MVD: variants seen among roughly 807,000 people sequenced by gnomAD.
The protein encoded by MVD is mevalonate diphosphate decarboxylase, also known as diphosphomevalonate decarboxylase.
Under a neutral mutation model 42.4 loss-of-function variants are expected in MVD, and 52 were observed. The ratio of observed to expected loss-of-function variants is 1.23; its 90% CI spans 0.98 to 1.55. The LOEUF is 1.55. Among genes scored for constraint, MVD ranks in the 40% most tolerant of loss-of-function variants. The pLI, the probability that MVD is intolerant of heterozygous loss-of-function variation, is 0.00. For missense variants in MVD, 663 were observed against 572.1 expected, an observed-to-expected ratio of 1.16 and a Z score of -1.62; for synonymous variants, 287 against 243.2, an observed-to-expected ratio of 1.18 and a Z score of -1.68.
intron 8 of MVD, 25 bp downstream of exon 8, chr16:88,654,667 G>A (rs1345439199): frequency 3.2e-6 from 5 of 1,580,220 alleles, no homozygotes; most frequent in Middle Eastern, 1.7e-4. Context: ...TCCCAAAAAG[G>A]AGGAGGGGCG....
chr16:88,654,873 G>C, intron 7 of MVD, 66 bp from the exon 8 acceptor site: 1 of 1,450,050 alleles, frequency 6.9e-7, no homozygotes, highest in South Asian at 1.4e-5. Context: ...CCAACCCTCT[G>C]GTCTGCCAGG....
rs138188988 is a variant in MVD at position 88,657,570 on chromosome 16, G to A, written c.269C>T (p.Ala90Val). Residue 90 changes from alanine (A) to valine (V), a missense_variant, in exon 4 of 10, where the codon GCC (alanine) becomes GTC (valine). By Grantham distance (64) the Ala-to-Val change is moderately conservative. Transcript: ENST00000301012. ...QACLREIRCL[A>V]RKRRNSRDGD... ...ATCCCGTGAGTTCCTCCGCTTCCGG[G>A]CCAGGCAGCGGACTGCAGAGACAAT... The A allele has an allele frequency of 1.6e-5, 25 of 1,612,544 alleles. No homozygotes were observed. The African/African-American group carries it at 3.1e-4, about 20-fold the overall frequency.
chr16:88,658,247 G>A (rs1254068030), intron 2 of MVD, among the ~76,000 whole-genome samples: 3 of 152,150 alleles, frequency 2.0e-5, no homozygotes, highest in South Asian at 2.1e-4. Context: ...GCCTTATCCT[G>A]AATAAAGAGA....
At chr16:88,655,986 C>G (rs3736110) in intron 5 of MVD, 119 bp downstream of exon 5, 1 of 1,373,244 alleles carries the variant, frequency 7.3e-7, no homozygotes, top group South Asian at 1.4e-5. Flanking sequence ...CTTCAGCCCC[C>G]GCTGACCCCA....
chr16:88,659,991 AG>A (rs1209602269), intron 1 of MVD, among the ~76,000 whole-genome samples: 1 of 145,910 alleles, frequency 6.9e-6, no homozygotes, highest in African/African-American at 2.5e-5. Flanking sequence ...AAAAAAAAAA[AG>A]AAAAGAAAAA....
Position 88,653,283 on chromosome 16 carries a change from T to C in MVD, c.1122+17A>G. On this transcript the variant is annotated intron_variant, in intron 9 of 9. Transcript: ENST00000301012. Reference sequence around the variant, plus strand: ...GGAAAGGAAACCCCGGGGTACTGGGTGAGCCCCAGGCCTCACCTGAGTGAC... The same window carrying C: ...GGAAAGGAAACCCCGGGGTACTGGGCGAGCCCCAGGCCTCACCTGAGTGAC... The C allele has an allele frequency of 6.3e-7, 1 of 1,588,388 alleles. No homozygotes were observed. Among genetic ancestry groups the C allele is most frequent in the Non-Finnish European group, 8.6e-7 (1 of 1,169,588 alleles).
chr16:88,655,770 G>A (rs758897100), intron 5 of MVD, 40 bp from the exon 6 acceptor site: 80 of 1,545,088 alleles, frequency 5.2e-5, no homozygotes, highest in Admixed American at 1.4e-4. Flanking sequence ...ACCCTGCAGG[G>A]GGCCAGCCCC....
chr16:88,655,612 A>G, intron 6 of MVD, 44 bp downstream of exon 6: 10 of 1,543,844 alleles, frequency 6.5e-6, no homozygotes, highest in Non-Finnish European at 8.7e-6. Context: ...GCCGGGCACA[A>G]GCGTGACTCC....
chr16:88,653,092 C>T (rs1238295177), intron 9 of MVD, among the ~76,000 whole-genome samples: 2 of 152,214 alleles, frequency 1.3e-5, no homozygotes. Context: ...CCCTCCCACC[C>T]TCAGCGCAGC....
rs2142895114 is a variant in MVD, at chr16:88,654,818, C to T, written c.898-11G>A. 1 of 1,561,208 alleles carries T rather than the reference C, an allele frequency of 6.4e-7. No individual in the cohort carries two copies. Among genetic ancestry groups the T allele is most frequent in the Non-Finnish European group, 8.7e-7 (1 of 1,155,934 alleles). On this transcript the variant is annotated splice_polypyrimidine_tract_variant and intron_variant, in intron 7 of 9. Transcript: ENST00000301012. ...AAAGGTGTACGCCACCTGGAACCCACAGCAGTCACCCTGGCTATTCACGTG... is the reference window on the plus strand; with the variant it reads ...AAAGGTGTACGCCACCTGGAACCCATAGCAGTCACCCTGGCTATTCACGTG...
chr16:88,657,392 G>A, intron 4 of MVD, 44 bp downstream of exon 4: 1 of 1,547,946 alleles, frequency 6.5e-7, no homozygotes, highest in Non-Finnish European at 8.7e-7. Context: ...AGTGGCTCCT[G>A]CGCCCACAGC....
Position 88,652,266 on chromosome 16 carries a change from C to T in MVD, c.*259G>A, listed in dbSNP as rs1246560037. 5.1e-6 allele frequency: 3 copies of T among 585,508 alleles called. No individual in the cohort carries two copies. Among genetic ancestry groups the T allele is most frequent in the Non-Finnish European group, 9.2e-6 (3 of 326,130 alleles). 36.3% of individuals were successfully genotyped at this position (585,508 alleles called of 1,614,324 possible). A position where few individuals can be genotyped will look rare whatever the true frequency, so the allele number is the denominator to read the frequency against. On this transcript the variant is annotated 3_prime_UTR_variant, in exon 10 of 10. Transcript: ENST00000301012. ...CAGCCCTGCTGCACCGAGGCTCTGC[C>T]AGTTCTCATACCCCCTCCCCATCCC... is the stretch of plus-strand genomic sequence containing the variant.
chr16:88,653,312 G>T lies in MVD; in HGVS notation c.1110C>A (p.Ile370=). ...MEPTPGGVKY[I]IVTQVGPGPQ... ...CCCCAGGCCTCACCTGAGTGACAAT[G>T]ATGTATTTGACCCCACCGGGGGTCG... Residue 370 remains isoleucine (I), a synonymous_variant, in exon 9 of 10, where the codon ATC becomes ATA. Transcript: ENST00000301012. 2 of 1,598,270 alleles carry T rather than the reference G, an allele frequency of 1.3e-6. No individual in the cohort carries two copies. Among genetic ancestry groups the T allele is most frequent in the South Asian group, 2.2e-5 (2 of 89,128 alleles).
chr16:88,655,038 A>G, intron 7 of MVD, 161 bp downstream of exon 7: 1 of 1,002,908 alleles, frequency 1.0e-6, no homozygotes, highest in Non-Finnish European at 1.5e-6. Context: ...ACAAAATGAA[A>G]CAGAAGAACC....
rs369480516 is a variant in MVD, at chr16:88,656,211, C to T, written c.497G>A (p.Gly166Asp). The change falls in exon 5 of 10, where the codon GGC becomes GAC. Residue 166 changes from glycine (G) to aspartate (D), a missense_variant. Physicochemically the swap from Gly to Asp is moderately conservative, Grantham distance 94 (BLOSUM62 -1). Coordinates refer to ENST00000301012, the MANE Select transcript of MVD (RefSeq NM_002461.3). ...CTCTCCCATCTGCCACTCCACAAAG[C>T]CCCCATACAGGCTCCGGCAGGCGCT... ...SGSACRSLYG[G>D]FVEWQMGEQA... 4 of 1,601,244 alleles carry T rather than the reference C, an allele frequency of 2.5e-6. No homozygotes were observed. Among genetic ancestry groups the T allele is most frequent in the Non-Finnish European group, 3.4e-6 (4 of 1,179,946 alleles).
At chr16:88,658,163 A>G (rs1173408992) in intron 2 of MVD, 134 bp from the exon 3 acceptor site, 2 of 848,018 alleles carry the variant, frequency 2.4e-6, no homozygotes, top group Non-Finnish European at 3.7e-6. Context: ...AGGGGGGGAA[A>G]GGCCAGTCTC....
intron 9 of MVD, among the ~76,000 whole-genome samples, 192 bp from the exon 10 acceptor site, chr16:88,652,797 C>T (rs753610368): frequency 1.3e-5 from 2 of 152,204 alleles, no homozygotes; most frequent in East Asian, 1.9e-4. Context: ...CTGCCAGCTG[C>T]GAGCCCCCTG....
Position 88,663,076 on chromosome 16 carries a change from G to A in MVD, c.5C>T (p.Ala2Val). 1 of 1,609,350 alleles carries A rather than the reference G, an allele frequency of 6.2e-7. No individual in the cohort carries two copies. The highest frequency in any genetic ancestry group is 8.5e-7 in the Non-Finnish European group (1 of 1,178,638). Residue 2 changes from alanine (A) to valine (V), a missense_variant, in exon 1 of 10, where the codon GCC (alanine) becomes GTC (valine). By Grantham distance (64) the Ala-to-Val change is moderately conservative. Transcript: ENST00000301012. ...GACTGCCGCCAGCGGCTTCTCCGAG[G>A]CCATGGTCCCACCGCGCAGTGACCC... Reference protein sequence around the residue: MASEKPLAAVTC... With the variant: MVSEKPLAAVTC...
chr16:88,661,515 T>G (rs1908289988), intron 1 of MVD, among the ~76,000 whole-genome samples: 1 of 152,042 alleles, frequency 6.6e-6, no homozygotes, highest in Admixed American at 6.6e-5. Flanking sequence ...TGAGCCAGCG[T>G]GCCCAGCCTA....
Sources: allele counts gnomAD v4.1 joint callset (sites outside exome capture counted in the v4.1 genomes callset), GRCh38; gene constraint gnomAD v4.1.1; transcripts MANE v1.5; gene names NCBI Gene and HGNC (gene_info 2026-07-23, HGNC 2026-07-21).